The following CSMD1 variants were observed in gnomAD, a reference collection of about 807,000 sequenced individuals.
CSMD1 encodes the protein CUB and Sushi multiple domains 1, also known as CUB and sushi domain-containing protein 1.
In CSMD1, 213 loss-of-function variants were observed where a neutral mutation model predicts 417.5. The ratio of observed to expected loss-of-function variants is 0.51; its 90% CI spans 0.46 to 0.57. CSMD1 has a LOEUF of 0.57. CSMD1 is among the 20% of genes least tolerant of loss of function. The pLI is 0.00. For synonymous variants in CSMD1, 2,862 were observed against 1,736.8 expected (o/e 1.65, Z -16.11); for missense variants, 6,923 against 4,529.7 (o/e 1.53, Z -15.17).
intron 1 of CSMD1, among the ~76,000 whole-genome samples, chr8:4,772,867 G>C (rs1796667795): frequency 6.6e-6 from 1 of 152,120 alleles, no homozygotes; most frequent in South Asian, 2.1e-4. Context: ...TCCATGAAAT[G>C]TGGATTTAAT....
intron 7 of CSMD1, among the ~76,000 whole-genome samples, chr8:3,674,094 A>C (rs1291080313): frequency 6.6e-6 from 1 of 151,572 alleles, no homozygotes; most frequent in Non-Finnish European, 1.5e-5. Flanking sequence ...TGACAGAGTG[A>C]GACTCCCTCT....
At chr8:4,160,911 G>A (rs749867288) in intron 3 of CSMD1, among the ~76,000 whole-genome samples, 3 of 152,138 alleles carry the variant, frequency 2.0e-5, no homozygotes, top group South Asian at 2.1e-4. Flanking sequence ...TGAACAAGTG[G>A]TTTAATATTA....
At chr8:3,646,963 A>G (rs747575490) in intron 7 of CSMD1, among the ~76,000 whole-genome samples, 3 of 152,182 alleles carry the variant, frequency 2.0e-5, no homozygotes, top group Non-Finnish European at 4.4e-5. Flanking sequence ...CATCCTCTCT[A>G]TAACTATTCC....
intron 3 of CSMD1, among the ~76,000 whole-genome samples, chr8:4,391,081 G>A (rs1803819605): frequency 3.3e-5 from 5 of 152,180 alleles, no homozygotes. Flanking sequence ...TCTAGATCCT[G>A]GAATGAGGAC....
At chr8:2,941,847 C>A (rs646181) in intron 69 of CSMD1, among the ~76,000 whole-genome samples, 121,875 of 152,172 alleles carry the variant, frequency 0.8, 48,928 homozygotes, top group East Asian at 0.9. Flanking sequence ...ATTCTGTTCA[C>A]CCTTTTGCTG....
intron 3 of CSMD1, among the ~76,000 whole-genome samples, chr8:4,076,473 G>A (rs1036065903): frequency 3.3e-5 from 5 of 152,128 alleles, no homozygotes; most frequent in African/African-American, 1.2e-4. Flanking sequence ...GTGACAGCAG[G>A]TGATGTTTTT....
Position 4,175,300 on chromosome 8 carries a change from G to C in CSMD1, c.416-143201C>G, listed in dbSNP as rs974032003. On this transcript the variant is annotated intron_variant, in intron 3 of 69. Transcript: ENST00000635120. ...GCTGATGGGTCATATCCTTAGGACA[G>C]TGAATCTTCCATTGTTTAGGTTAAA... is the stretch of plus-strand genomic sequence containing the variant. 2.0e-5 allele frequency among the ~76,000 whole-genome samples: 3 copies of C among 152,150 alleles called. No homozygotes were observed. The South Asian group carries it at 6.2e-4, about 31-fold the overall frequency.
At chr8:4,269,130 C>G (rs539669517) in intron 3 of CSMD1, among the ~76,000 whole-genome samples, 1 of 152,162 alleles carries the variant, frequency 6.6e-6, no homozygotes, top group Non-Finnish European at 1.5e-5. Context: ...GATCTTGGCT[C>G]ACTGAAATCT....
rs186557702 is a variant in CSMD1 at position 3,420,623 on chromosome 8, G to C, written c.1562-11018C>G. On this transcript the variant is annotated intron_variant, in intron 12 of 69. Transcript: ENST00000635120. ...ACTTTAAAATCAAAAATGTTAATTTGAAAAAAGAAATCAGTGTTGTTTTTA... is the reference window on the plus strand; with the variant it reads ...ACTTTAAAATCAAAAATGTTAATTTCAAAAAAGAAATCAGTGTTGTTTTTA... Among the ~76,000 whole-genome samples the C allele has an allele frequency of 1.3e-3, 204 of 152,132 alleles. 1 individual carries two copies. The highest frequency in any genetic ancestry group is 0.012 in the Admixed American group (176 of 15,266).
chr8:4,937,991 G>A (rs940928724), intron 1 of CSMD1, among the ~76,000 whole-genome samples: 1 of 151,872 alleles, frequency 6.6e-6, no homozygotes, highest in Non-Finnish European at 1.5e-5. Context: ...TGGCCTTTGT[G>A]ACTCATCCTC....
At chr8:4,139,898 G>C (rs1803678299) in intron 3 of CSMD1, among the ~76,000 whole-genome samples, 1 of 151,026 alleles carries the variant, frequency 6.6e-6, no homozygotes, top group Admixed American at 6.6e-5. Flanking sequence ...AAGGGTGGAA[G>C]GGAGGACACC....
At chr8:4,946,023 A>AACATC (rs1259475852) in intron 1 of CSMD1, among the ~76,000 whole-genome samples, 2 of 152,176 alleles carry the variant, frequency 1.3e-5, no homozygotes, top group Non-Finnish European at 2.9e-5. Context: ...GGCTCTTGTG[A>AACATC]ACATCAGACT....
intron 33 of CSMD1, among the ~76,000 whole-genome samples, chr8:3,197,844 C>T (rs1796787787): frequency 6.6e-6 from 1 of 152,132 alleles, no homozygotes; most frequent in South Asian, 2.1e-4. Flanking sequence ...GTATGCAAAA[C>T]TTTTACCATT....
At chr8:4,563,327 G>C (rs1379491964) in intron 2 of CSMD1, among the ~76,000 whole-genome samples, 1 of 152,188 alleles carries the variant, frequency 6.6e-6, no homozygotes, top group African/African-American at 2.4e-5. Context: ...CGTGAACCCA[G>C]GAGATAGAGC....
chr8:2,974,540 G>T lies in CSMD1; in HGVS notation c.8651C>A (p.Ser2884Tyr). Residue 2884 changes from serine to tyrosine, a missense_variant, in exon 56 of 70, where the codon TCC becomes TAC. By Grantham distance (144) the Ser-to-Tyr change is moderately radical. Transcript: ENST00000635120. ...LFTYGAVVHY[S>Y]CRGSESLIGN... The stretch of plus-strand genomic sequence containing the variant: ...TATGAGGCTCTCGCTCCCTCTGCAG[G>T]AGTAGTGCACGACGGCGCCATAGGT... 1 of 1,613,590 alleles carries T rather than the reference G, an allele frequency of 6.2e-7. No individual in the cohort carries two copies. Among genetic ancestry groups the T allele is most frequent in the South Asian group, 1.1e-5 (1 of 90,942 alleles).
intron 7 of CSMD1, among the ~76,000 whole-genome samples, chr8:3,636,123 C>T (rs1265325030): frequency 6.6e-6 from 1 of 152,104 alleles, no homozygotes; most frequent in African/African-American, 2.4e-5. Context: ...AAGGCAGAAA[C>T]ACACACATTA....
chr8:3,493,333 T>C (rs1248109155), intron 11 of CSMD1, among the ~76,000 whole-genome samples: 1 of 151,460 alleles, frequency 6.6e-6, no homozygotes, highest in Non-Finnish European at 1.5e-5. Flanking sequence ...AGGGGTTGAT[T>C]TGAAAAATTT....
At position 4,955,644 on chromosome 8, in the gene CSMD1, C is replaced by T. The variant is rs541437761; in HGVS notation, c.85+38688G>A. On this transcript the variant is annotated intron_variant, in intron 1 of 69. Transcript: ENST00000635120. ...CTAATTTTTGTATTTTTAATAGAGA[C>T]GGGCTTTCCCCATATTGGCCAGGCT... Among the ~76,000 whole-genome samples the T allele has an allele frequency of 8.5e-5, 13 of 152,050 alleles. No homozygotes were observed. In the East Asian group the frequency reaches 1.6e-3, roughly 18 times the overall value.
intron 5 of CSMD1, among the ~76,000 whole-genome samples, chr8:3,855,890 T>A (rs1310443644): frequency 6.6e-6 from 1 of 152,222 alleles, no homozygotes; most frequent in Non-Finnish European, 1.5e-5. Context: ...CTTATTTTCT[T>A]GCTTTATACT....
Sources: gnomAD v4.1 joint callset for allele counts (sites outside exome capture counted in the v4.1 genomes callset) on GRCh38, gnomAD v4.1.1 for gene constraint, MANE v1.5 for transcripts, NCBI Gene and HGNC (gene_info 2026-07-23, HGNC 2026-07-21) for gene names.